The following SBF2 variants were observed in gnomAD, a reference collection of about 807,000 sequenced individuals.
SBF2 encodes the protein SET binding factor 2.
SBF2 carries 112 observed loss-of-function variants against 225.2 expected under a neutral mutation model. The observed-to-expected ratio is 0.50, with a 90% confidence interval of 0.43 to 0.58. The LOEUF (loss-of-function observed/expected upper bound fraction) is 0.58, where lower values mean the gene tolerates loss of function less well. Among genes scored for constraint, SBF2 ranks in the 20% least tolerant of loss-of-function variants. SBF2 has a pLI of 0.00. For missense variants in SBF2, 1,996 were observed against 2,206.2 expected, an observed-to-expected ratio of 0.90 and a Z score of 1.91; for synonymous variants, 763 against 773.3, an observed-to-expected ratio of 0.99 and a Z score of 0.22.
chr11:10,204,089 A>C lies in SBF2; in HGVS notation c.56-10102T>G, dbSNP rs59869332. 8.5e-3 allele frequency among the ~76,000 whole-genome samples: 1,292 copies of C among 152,194 alleles called. 32 individuals are homozygous for C. The highest frequency in any genetic ancestry group is 0.029 in the African/African-American group (1,206 of 41,562). On this transcript the variant is annotated intron_variant, in intron 1 of 39. Coordinates refer to ENST00000256190, the MANE Select transcript of SBF2 (RefSeq NM_030962.4). ...GAACTCACAAAGGCATATCATAATAAATTACTTAGATATAAAGATAAATAT... is the reference window on the plus strand; with the variant it reads ...GAACTCACAAAGGCATATCATAATACATTACTTAGATATAAAGATAAATAT...
chr11:9,936,941 G>A (rs1864941129), intron 16 of SBF2, among the ~76,000 whole-genome samples: 1 of 152,156 alleles, frequency 6.6e-6, no homozygotes, highest in South Asian at 2.1e-4. Context: ...TTAAGAAAGA[G>A]TGGCATTAAT....
At chr11:10,254,141 T>C (rs1033687043) in intron 1 of SBF2, among the ~76,000 whole-genome samples, 1 of 152,052 alleles carries the variant, frequency 6.6e-6, no homozygotes, top group Non-Finnish European at 1.5e-5. Flanking sequence ...CCCCACACTT[T>C]GGGAGGCCCA....
chr11:10,214,039 C>T (rs957071042), intron 1 of SBF2, among the ~76,000 whole-genome samples: 1 of 152,212 alleles, frequency 6.6e-6, no homozygotes, highest in East Asian at 1.9e-4. Flanking sequence ...CTAACCATAA[C>T]TTCAGCCAAG....
chr11:10,143,196 A>C (rs928322209), intron 2 of SBF2, among the ~76,000 whole-genome samples: 16 of 151,576 alleles, frequency 1.1e-4, no homozygotes, highest in African/African-American at 3.9e-4. Context: ...TTTGAGACAG[A>C]ATTTTGCTCC....
chr11:10,258,164 G>C (rs1471491494), intron 1 of SBF2, among the ~76,000 whole-genome samples: 1 of 150,956 alleles, frequency 6.6e-6, no homozygotes, highest in African/African-American at 2.4e-5. Context: ...AGAATGAGTG[G>C]TGCGATCAAA....
intron 1 of SBF2, among the ~76,000 whole-genome samples, chr11:10,266,614 T>G (rs528534983): frequency 4.9e-4 from 74 of 152,344 alleles, no homozygotes; most frequent in Middle Eastern, 6.8e-3. Context: ...GAGAAGAATT[T>G]AACTGAAAGC....
At chr11:9,902,975 C>T (rs1354049808) in intron 16 of SBF2, among the ~76,000 whole-genome samples, 1 of 149,490 alleles carries the variant, frequency 6.7e-6, no homozygotes, top group Non-Finnish European at 1.5e-5. Context: ...AAAAAAACAA[C>T]AAACCTGAAC....
rs779051883 is a variant in SBF2, at chr11:9,780,475, A to G, written c.5493T>C (p.Asp1831=). The part of the protein sequence containing the change: ...SKRVYNFCAQ[D]GQSAQQWMDK... ...CCATCCATTGCTGGGCACTCTGTCC[A>G]TCCTGGGCGCAGAAGTTATACACAC... The change falls in exon 40 of 40, where the codon GAT becomes GAC. Residue 1831 remains aspartate, a synonymous_variant. Transcript: ENST00000256190. The G allele has an allele frequency of 3.0e-5, 48 of 1,614,050 alleles. No individual in the cohort carries two copies. Among genetic ancestry groups the G allele is most frequent in the Non-Finnish European group, 3.7e-5 (44 of 1,180,036 alleles).
At chr11:10,017,868 G>C (rs1948710096) in intron 6 of SBF2, among the ~76,000 whole-genome samples, 1 of 152,048 alleles carries the variant, frequency 6.6e-6, no homozygotes, top group African/African-American at 2.4e-5. Flanking sequence ...TGTGTAAAAA[G>C]GTGCAGCATC....
chr11:10,113,896 C>T (rs1230196801), intron 2 of SBF2, among the ~76,000 whole-genome samples: 1 of 151,008 alleles, frequency 6.6e-6, no homozygotes, highest in Non-Finnish European at 1.5e-5. Context: ...ATTTGTAATT[C>T]TTTGTTCAAA....
chr11:9,888,130 A>C (rs186016768), intron 17 of SBF2, among the ~76,000 whole-genome samples: 5 of 152,320 alleles, frequency 3.3e-5, no homozygotes, highest in Non-Finnish European at 7.4e-5. Context: ...CCAGTATTCA[A>C]GGAACTTCTG....
chr11:9,843,439 C>T (rs1856308309), intron 24 of SBF2, among the ~76,000 whole-genome samples: 1 of 152,136 alleles, frequency 6.6e-6, no homozygotes, highest in Non-Finnish European at 1.5e-5. Context: ...ATGTAATGGA[C>T]CTAGAAGTAC....
intron 36 of SBF2, 21 bp downstream of exon 36, chr11:9,787,613 C>T: frequency 1.2e-6 from 2 of 1,603,350 alleles, no homozygotes; most frequent in African/African-American, 2.7e-5. Flanking sequence ...AAGTGGCTCT[C>T]AAGGGGCATT....
chr11:10,129,184 A>T (rs1314242371), intron 2 of SBF2, among the ~76,000 whole-genome samples: 1 of 145,812 alleles, frequency 6.9e-6, no homozygotes, highest in Non-Finnish European at 1.5e-5. Flanking sequence ...GCTTACTGCA[A>T]CCTCGACCTC....
chr11:9,871,438 T>C (rs942555001), intron 17 of SBF2, among the ~76,000 whole-genome samples: 3 of 150,418 alleles, frequency 2.0e-5, no homozygotes, highest in African/African-American at 7.3e-5. Flanking sequence ...AAACCCACAA[T>C]GAGATAACAC....
intron 2 of SBF2, among the ~76,000 whole-genome samples, chr11:10,109,829 T>C (rs1369981568): frequency 6.6e-6 from 1 of 152,226 alleles, no homozygotes; most frequent in Non-Finnish European, 1.5e-5. Flanking sequence ...AAACATCTTG[T>C]TAAATGTAAA....
intron 2 of SBF2, among the ~76,000 whole-genome samples, chr11:10,102,250 GTGGAGTTAGCC>G (rs1324094367): frequency 1.3e-5 from 2 of 152,244 alleles, no homozygotes; most frequent in Non-Finnish European, 2.9e-5. Context: ...CTGGGAACAT[GTGGAGTTAGCC>G]TGGCTCCCCA....
At chr11:10,238,374 C>T (rs939082869) in intron 1 of SBF2, among the ~76,000 whole-genome samples, 114 of 151,898 alleles carry the variant, frequency 7.5e-4, no homozygotes, top group African/African-American at 2.6e-3. Flanking sequence ...TGTACCACTG[C>T]ACTCCGGCCT....
chr11:9,815,034 A>G (rs1854380240), intron 29 of SBF2, among the ~76,000 whole-genome samples: 1 of 152,228 alleles, frequency 6.6e-6, no homozygotes, highest in African/African-American at 2.4e-5. Flanking sequence ...CATATCAGAC[A>G]GATACAGAGC....
Sources: allele counts gnomAD v4.1 joint callset (sites outside exome capture counted in the v4.1 genomes callset), GRCh38; gene constraint gnomAD v4.1.1; transcripts MANE v1.5; gene names NCBI Gene and HGNC (gene_info 2026-07-23, HGNC 2026-07-21).